The following IGF2R variants were observed in gnomAD, a reference collection of about 807,000 sequenced individuals.
The protein encoded by IGF2R is cation-independent mannose-6-phosphate receptor.
IGF2R carries 91 observed loss-of-function variants against 270.6 expected under a neutral mutation model. That is an observed-to-expected ratio of 0.34 (90% CI 0.28 to 0.40). The LOEUF (loss-of-function observed/expected upper bound fraction) is 0.40. IGF2R is among the 10% of genes least tolerant of loss of function. IGF2R has a pLI of 1.00. For missense variants in IGF2R, 2,805 were observed against 3,188.3 expected (o/e 0.88, Z 2.90); for synonymous variants, 1,316 against 1,258.9 (o/e 1.05, Z -0.96).
At chr6:160,059,224 C>T in intron 22 of IGF2R, 126 bp downstream of exon 22, 1 of 717,008 alleles carries the variant, frequency 1.4e-6, no homozygotes, top group Non-Finnish European at 2.2e-6. Context: ...GTCCACCTTG[C>T]TGCAGGAGCC....
chr6:160,068,231 G>C lies in IGF2R; in HGVS notation c.4116-18G>C, dbSNP rs753875170. The C allele has an allele frequency of 2.5e-6, 4 of 1,613,728 alleles. No individual in the cohort carries two copies. The highest frequency in any genetic ancestry group is 3.4e-6 in the Non-Finnish European group (4 of 1,179,794). On this transcript the variant is annotated intron_variant, in intron 29 of 47. Coordinates refer to ENST00000356956, the MANE Select transcript of IGF2R (RefSeq NM_000876.4). ...AATACGACCAAGCCTAACTAACTGC[G>C]GGTTTTCTTCTTTTCAGAGATGGGG... is the stretch of plus-strand genomic sequence containing the variant.
intron 19 of IGF2R, among the ~76,000 whole-genome samples, chr6:160,055,640 T>TCCAC (rs1287083232): frequency 6.6e-6 from 1 of 152,086 alleles, no homozygotes; most frequent in Admixed American, 6.6e-5. Context: ...GGACTCAGTG[T>TCCAC]TAGTGGCTGT....
chr6:160,073,089 T>C, intron 33 of IGF2R, 124 bp from the exon 34 acceptor site: 1 of 1,407,958 alleles, frequency 7.1e-7, no homozygotes, highest in Non-Finnish European at 9.8e-7. Flanking sequence ...TAAAGCCGGA[T>C]TGGACACTTG....
At chr6:160,007,217 T>A (rs1784256295) in intron 2 of IGF2R, 1 of 152,258 alleles carries the variant, frequency 6.6e-6, no homozygotes, top group Non-Finnish European at 1.5e-5. Flanking sequence ...ATGTTCCATA[T>A]GTGCATGGTT....
rs1779645701 is a variant in IGF2R at position 160,107,427 on chromosome 6, C to G, written c.*2343C>G. The G allele has an allele frequency of 1.3e-5, 2 of 152,260 alleles. No individual in the cohort carries two copies. The highest frequency in any genetic ancestry group is 2.9e-5 in the Non-Finnish European group (2 of 68,046). 9.4% of individuals were successfully genotyped at this position (152,260 alleles called of 1,614,324 possible). ...ACGTTTGAGTGCATTTGCTTTGACT[C>G]TTAGAAACCCAAGCCTCTGAAAAAA... On this transcript the variant is annotated 3_prime_UTR_variant, in exon 48 of 48. Coordinates refer to ENST00000356956, the MANE Select transcript of IGF2R (RefSeq NM_000876.4).
intron 44 of IGF2R, chr6:160,093,601 G>A: frequency 1.4e-6 from 1 of 693,706 alleles, no homozygotes; most frequent in South Asian, 1.5e-5. Flanking sequence ...TGGGGGACTG[G>A]ATCATCAATG....
intron 45 of IGF2R, among the ~76,000 whole-genome samples, chr6:160,097,156 G>T (rs1779380401): frequency 6.6e-6 from 1 of 152,230 alleles, no homozygotes; most frequent in African/African-American, 2.4e-5. Context: ...TTGAGAATCA[G>T]CATGAGAACA....
intron 43 of IGF2R, 28 bp downstream of exon 43, chr6:160,089,281 G>A: frequency 1.3e-6 from 2 of 1,582,404 alleles, no homozygotes; most frequent in East Asian, 4.5e-5. Flanking sequence ...CTTCTGAGCT[G>A]TGAAATGTGT....
chr6:160,035,338 A>G (rs1157486836), intron 10 of IGF2R, among the ~76,000 whole-genome samples: 1 of 152,196 alleles, frequency 6.6e-6, no homozygotes, highest in African/African-American at 2.4e-5. Flanking sequence ...GCTTGGTTAC[A>G]GGATGGGTTG....
At chr6:160,042,060 T>G (rs1777957977) in intron 11 of IGF2R, among the ~76,000 whole-genome samples, 1 of 151,514 alleles carries the variant, frequency 6.6e-6, no homozygotes, top group Non-Finnish European at 1.5e-5. Flanking sequence ...TAAGGAGAGA[T>G]ACATTTTTCA....
At chr6:159,977,799 C>A (rs1284488424) in intron 1 of IGF2R, among the ~76,000 whole-genome samples, 1 of 152,116 alleles carries the variant, frequency 6.6e-6, no homozygotes, top group East Asian at 1.9e-4. Flanking sequence ...AGTCAGGATG[C>A]TAACCATGTT....
chr6:160,097,380 G>C (rs1172698496), intron 45 of IGF2R, among the ~76,000 whole-genome samples: 1 of 152,074 alleles, frequency 6.6e-6, no homozygotes, highest in Non-Finnish European at 1.5e-5. Context: ...ACTCAGGCTG[G>C]AGTGCAGTGG....
intron 1 of IGF2R, among the ~76,000 whole-genome samples, chr6:159,975,003 CAA>C (rs1783666475): frequency 1.3e-5 from 2 of 152,212 alleles, no homozygotes; most frequent in South Asian, 4.1e-4. Context: ...CCTCCGTAAT[CAA>C]ATGTGTGGTC....
intron 32 of IGF2R, 120 bp from the exon 33 acceptor site, chr6:160,072,645 C>T (rs983511701): frequency 1.8e-5 from 18 of 1,006,648 alleles, no homozygotes; most frequent in Non-Finnish European, 2.3e-5. Flanking sequence ...GGACAGGGGT[C>T]GTGGTGAGAA....
chr6:160,035,021 T>C (rs1225197978), intron 10 of IGF2R, among the ~76,000 whole-genome samples: 2 of 152,258 alleles, frequency 1.3e-5, no homozygotes, highest in South Asian at 4.1e-4. Flanking sequence ...CTCTGAGTAA[T>C]GAGAAGCACC....
At position 160,002,019 on chromosome 6, in the gene IGF2R, C is replaced by T. The variant is rs545467091; in HGVS notation, c.290-6991C>T. Among the ~76,000 whole-genome samples, 14 of 151,656 alleles carry T rather than the reference C, an allele frequency of 9.2e-5. No homozygotes were observed. The South Asian group carries it at 2.1e-3, about 23-fold the overall frequency. ...AAGCTTTACCAGAAACATAAATAGT[C>T]GATCAACACATATTTTGCATGTTAT... On this transcript the variant is annotated intron_variant, in intron 2 of 47. Coordinates refer to ENST00000356956, the MANE Select transcript of IGF2R (RefSeq NM_000876.4).
At chr6:160,018,616 A>C (rs561439220) in intron 4 of IGF2R, among the ~76,000 whole-genome samples, 1 of 152,208 alleles carries the variant, frequency 6.6e-6, no homozygotes, top group African/African-American at 2.4e-5. Context: ...AATGATACCA[A>C]GTATCTTCTC....
intron 1 of IGF2R, among the ~76,000 whole-genome samples, chr6:159,978,981 T>C (rs1783737985): frequency 6.6e-6 from 1 of 152,024 alleles, no homozygotes; most frequent in Non-Finnish European, 1.5e-5. Context: ...AGGGGGATGG[T>C]GGAAGTACTG....
Position 160,044,668 on chromosome 6 carries a change from T to TA in IGF2R, c.1765+17dup, listed in dbSNP as rs779227221. 5 of 1,591,608 alleles carry TA rather than the reference T, an allele frequency of 3.1e-6. No homozygotes were observed. The highest frequency in any genetic ancestry group is 1.4e-5 in the African/African-American group (1 of 73,152). Reference sequence around the variant, plus strand: ...TTGTATGCAAGCCAGGTAAAAATTTTAAAAAAGATGAAATCTTTTCTGGCT... The same window carrying TA: ...TTGTATGCAAGCCAGGTAAAAATTTTAAAAAAAGATGAAATCTTTTCTGGCT... On this transcript the variant is annotated intron_variant, in intron 13 of 47. Coordinates refer to ENST00000356956, the MANE Select transcript of IGF2R (RefSeq NM_000876.4).
Sources: gnomAD v4.1 joint callset for allele counts (sites outside exome capture counted in the v4.1 genomes callset) on GRCh38, gnomAD v4.1.1 for gene constraint, MANE v1.5 for transcripts, NCBI Gene and HGNC (gene_info 2026-07-23, HGNC 2026-07-21) for gene names.